Variants in LBH observed in about 807,000 individuals in gnomAD.
LBH encodes the protein LBH regulator of Wnt signaling pathway, also known as protein LBH.
A neutral mutation model predicts 12.5 loss-of-function variants in LBH; 7 were observed. That is an observed-to-expected ratio of 0.56 (90% CI 0.32 to 1.05). The LOEUF is 1.05. Among genes scored for constraint, LBH ranks in the 50% least tolerant of loss-of-function variants. The probability of loss-of-function intolerance (pLI) is 0.04; values close to 1 mark genes in which losing one functional copy is unlikely to be tolerated. For missense variants in LBH, 119 were observed against 138.9 expected (o/e 0.86, Z 0.72); for synonymous variants, 51 against 50.1 (o/e 1.02, Z -0.08).
At chr2:30,238,531 G>A (rs1677730149) in intron 2 of LBH, among the ~76,000 whole-genome samples, 1 of 152,324 alleles carries the variant, frequency 6.6e-6, no homozygotes, top group African/African-American at 2.4e-5. Context: ...TGGGAGGGAG[G>A]AAGCCAGGAG....
At position 30,231,655 on chromosome 2, in the gene LBH, C is replaced by G. The variant is rs965361813; in HGVS notation, c.-84C>G. ...TCCGCACTCGGCCGCCTGCCGTGCCCGTCTGCGCCCGTGTCATCCTCACTC... is the reference window on the plus strand; with the variant it reads ...TCCGCACTCGGCCGCCTGCCGTGCCGGTCTGCGCCCGTGTCATCCTCACTC... On this transcript the variant is annotated 5_prime_UTR_variant, in exon 1 of 3. Transcript: ENST00000395323. 1.9e-5 allele frequency: 26 copies of G among 1,391,342 alleles called. No homozygotes were observed. In the Admixed American group the frequency reaches 3.0e-4, roughly 16 times the overall value. 86.2% of individuals were successfully genotyped at this position (1,391,342 alleles called of 1,614,324 possible).
intron 2 of LBH, 92 bp from the exon 3 acceptor site, chr2:30,257,341 A>C: frequency 7.2e-7 from 1 of 1,397,026 alleles, no homozygotes; most frequent in South Asian, 1.2e-5. Context: ...TATGGCATGC[A>C]CCCAGTATGC....
chr2:30,231,641 C>A lies in LBH; in HGVS notation c.-98C>A. On this transcript the variant is annotated 5_prime_UTR_variant, in exon 1 of 3. Transcript: ENST00000395323. ...GCGAGCGCCCGGTGTCCGCACTCGG[C>A]CGCCTGCCGTGCCCGTCTGCGCCCG... 3.2e-6 allele frequency: 4 copies of A among 1,266,034 alleles called. No individual in the cohort carries two copies. Among genetic ancestry groups the A allele is most frequent in the Non-Finnish European group, 4.6e-6 (4 of 879,060 alleles). The allele number at this position is 1,266,034 out of a possible 1,614,324, so 78.4% of individuals were successfully genotyped here. A position where few individuals can be genotyped will look rare whatever the true frequency, so the allele number is the denominator to read the frequency against.
At chr2:30,244,669 A>C (rs983515794) in intron 2 of LBH, among the ~76,000 whole-genome samples, 1 of 152,088 alleles carries the variant, frequency 6.6e-6, no homozygotes, top group Non-Finnish European at 1.5e-5. Flanking sequence ...TGAGAGGCTG[A>C]GGTGGGCAGA....
At chr2:30,238,830 C>T (rs1309572913) in intron 2 of LBH, among the ~76,000 whole-genome samples, 1 of 151,938 alleles carries the variant, frequency 6.6e-6, no homozygotes, top group Non-Finnish European at 1.5e-5. Flanking sequence ...GATCTCTTGC[C>T]CCTTTGTCTC....
At chr2:30,235,948 G>A (rs562278045) in intron 2 of LBH, among the ~76,000 whole-genome samples, 1 of 152,296 alleles carries the variant, frequency 6.6e-6, no homozygotes, top group South Asian at 2.1e-4. Flanking sequence ...TCCTCCCCCA[G>A]AGTGGGTCTG....
Position 30,257,841 on chromosome 2 carries a change from A to G in LBH, c.*220A>G, listed in dbSNP as rs1175478838. 2 of 403,822 alleles carry G rather than the reference A, an allele frequency of 5.0e-6. No individual in the cohort carries two copies. 25.0% of individuals were successfully genotyped at this position (403,822 alleles called of 1,614,324 possible). ...GCAGTGGAGCCCTCTGACAATTTGC[A>G]AGGCCCTCTGAGAAAGGAAGCTGCT... On this transcript the variant is annotated 3_prime_UTR_variant, in exon 3 of 3. Transcript: ENST00000395323.
chr2:30,250,120 G>T (rs1355210148), intron 2 of LBH, among the ~76,000 whole-genome samples: 1 of 152,216 alleles, frequency 6.6e-6, no homozygotes. Context: ...CGGACTCTGT[G>T]GTCTGCCTGT....
intron 1 of LBH, chr2:30,232,098 C>A (rs1572374172): frequency 6.5e-7 from 1 of 1,536,560 alleles, no homozygotes. Context: ...AGGAGGCGCG[C>A]GCCCCACTTG....
intron 2 of LBH, among the ~76,000 whole-genome samples, chr2:30,254,508 T>C (rs1035492434): frequency 6.6e-6 from 1 of 152,104 alleles, no homozygotes; most frequent in Non-Finnish European, 1.5e-5. Context: ...TCATTAGATT[T>C]TTTTCCTTAT....
intron 2 of LBH, among the ~76,000 whole-genome samples, chr2:30,248,630 T>C (rs1677918561): frequency 6.6e-6 from 1 of 152,182 alleles, no homozygotes; most frequent in African/African-American, 2.4e-5. Flanking sequence ...CAGTCTTCTT[T>C]CCAGAAGGTA....
chr2:30,255,465 TATG>T (rs1678068060), intron 2 of LBH, among the ~76,000 whole-genome samples: 2 of 152,244 alleles, frequency 1.3e-5, no homozygotes, highest in African/African-American at 4.8e-5. Context: ...TGGCTGCCAT[TATG>T]ATACCTTTTA....
intron 1 of LBH, chr2:30,232,518 A>T: frequency 7.7e-5 from 19 of 245,676 alleles, no homozygotes; most frequent in East Asian, 1.5e-4. Context: ...CCTTGCTGGC[A>T]GTTTCTTCCT....
chr2:30,234,559 TGGG>T, intron 2 of LBH, 52 bp downstream of exon 2: 1 of 1,400,170 alleles, frequency 7.1e-7, no homozygotes, highest in African/African-American at 1.4e-5. Flanking sequence ...TGGTTTTTGC[TGGG>T]GGTGAGGACA....
intron 2 of LBH, among the ~76,000 whole-genome samples, chr2:30,235,126 A>C (rs1677667112): frequency 6.6e-6 from 1 of 152,154 alleles, no homozygotes. Context: ...CAAAATGCAC[A>C]AGGATCACAA....
intron 1 of LBH, 135 bp downstream of exon 1, chr2:30,231,899 C>G (rs1290301275): frequency 1.1e-5 from 7 of 642,350 alleles, no homozygotes; most frequent in South Asian, 4.6e-5. Flanking sequence ...CGCCCGAGCC[C>G]GTGCAGGAGT....
chr2:30,246,966 A>G (rs1677882741), intron 2 of LBH, among the ~76,000 whole-genome samples: 1 of 151,600 alleles, frequency 6.6e-6, no homozygotes, highest in East Asian at 1.9e-4. Context: ...ATGACTATAG[A>G]TATGTGCCAC....
chr2:30,232,251 G>GGCCCCCC, intron 1 of LBH: 1 of 488,912 alleles, frequency 2.0e-6, no homozygotes, highest in Non-Finnish European at 3.7e-6. Flanking sequence ...TGGGGGGCGG[G>GGCCCCCC]AAACGCTCTC....
intron 1 of LBH, 163 bp from the exon 2 acceptor site, chr2:30,234,242 G>T: frequency 3.3e-6 from 2 of 607,220 alleles, no homozygotes; most frequent in East Asian, 5.6e-5. Flanking sequence ...GGGCTTGCAA[G>T]GCGCTTCCTC....
Sources: gnomAD v4.1 joint callset for allele counts (sites outside exome capture counted in the v4.1 genomes callset) on GRCh38, gnomAD v4.1.1 for gene constraint, MANE v1.5 for transcripts, NCBI Gene and HGNC (gene_info 2026-07-23, HGNC 2026-07-21) for gene names.